Variants in FHIT observed in about 807,000 individuals in gnomAD.
FHIT encodes fragile histidine triad diadenosine triphosphatase.
A neutral mutation model predicts 17.9 loss-of-function variants in FHIT; 19 were observed. The observed-to-expected ratio is 1.06, with a 90% CI of 0.74 to 1.56. The LOEUF is 1.56. FHIT is among the 40% of genes most tolerant of loss of function. The pLI is 0.00. For synonymous variants in FHIT, 81 were observed against 69.7 expected (o/e 1.16, Z -0.81); for missense variants, 248 against 189.2 (o/e 1.31, Z -1.82).
At chr3:60,948,105 C>A (rs782131826) in intron 3 of FHIT, among the ~76,000 whole-genome samples, 3 of 152,130 alleles carry the variant, frequency 2.0e-5, no homozygotes, top group Non-Finnish European at 4.4e-5. Context: ...TTCTCTGCAT[C>A]CTTGAGGCAA....
At chr3:59,845,978 G>A (rs1366322601) in intron 8 of FHIT, among the ~76,000 whole-genome samples, 1 of 151,962 alleles carries the variant, frequency 6.6e-6, no homozygotes, top group Non-Finnish European at 1.5e-5. Context: ...TTGCATCACT[G>A]GTTCTAAAGT....
chr3:60,031,569 G>T (rs1376727784), intron 5 of FHIT, among the ~76,000 whole-genome samples: 5 of 152,038 alleles, frequency 3.3e-5, no homozygotes, highest in African/African-American at 1.2e-4. Flanking sequence ...CTGCAAAATG[G>T]GGCTTATTTA....
At chr3:59,864,587 GCT>G (rs1454037319) in intron 8 of FHIT, among the ~76,000 whole-genome samples, 4 of 151,446 alleles carry the variant, frequency 2.6e-5, no homozygotes, top group Non-Finnish European at 5.9e-5. Flanking sequence ...GCCCACTCTG[GCT>G]GATCTAGTAT....
intron 2 of FHIT, among the ~76,000 whole-genome samples, chr3:61,062,960 C>T (rs1000884068): frequency 3.3e-5 from 5 of 152,092 alleles, no homozygotes; most frequent in Non-Finnish European, 2.9e-5. Flanking sequence ...AACACAGACT[C>T]GTAGAGATGT....
chr3:60,464,946 G>C lies in FHIT; in HGVS notation c.103+71914C>G, dbSNP rs544472098. Among the ~76,000 whole-genome samples the C allele has an allele frequency of 3.9e-5, 6 of 152,204 alleles. No homozygotes were observed. In the South Asian group the frequency reaches 1.0e-3, roughly 26 times the overall value. On this transcript the variant is annotated intron_variant, in intron 5 of 9. Transcript: ENST00000492590. ...AGTAACCTCCAAACTGTCCTCCACA[G>C]TGGTTGTACTAATTTACATTCCCAC...
chr3:60,230,437 CAT>C (rs1184929666), intron 5 of FHIT, among the ~76,000 whole-genome samples: 1 of 152,128 alleles, frequency 6.6e-6, no homozygotes, highest in Non-Finnish European at 1.5e-5. Context: ...TTAAAAATAA[CAT>C]TATCTGATCA....
chr3:60,895,670 CTTTCTTTCTTTCTTT>C (rs1559808639), intron 3 of FHIT, among the ~76,000 whole-genome samples: 956 of 29,942 alleles, frequency 0.032, 27 homozygotes, highest in African/African-American at 0.055. Flanking sequence ...TCCTTCCTTT[CTTTCTTTCTTTCTTT>C]CTTTCTTTCT....
chr3:60,200,361 T>G (rs1702841459), intron 5 of FHIT, among the ~76,000 whole-genome samples: 1 of 152,150 alleles, frequency 6.6e-6, no homozygotes, highest in South Asian at 2.1e-4. Context: ...TCTACCATGT[T>G]GGATTTGCTC....
chr3:60,152,885 C>T (rs1305385681), intron 5 of FHIT, among the ~76,000 whole-genome samples: 4 of 152,104 alleles, frequency 2.6e-5, no homozygotes, highest in African/African-American at 9.7e-5. Context: ...CTCTAAGTTG[C>T]TTACGGTACA....
chr3:59,964,650 G>A (rs537321401), intron 7 of FHIT, among the ~76,000 whole-genome samples: 8 of 152,162 alleles, frequency 5.3e-5, no homozygotes, highest in African/African-American at 1.9e-4. Flanking sequence ...CTCAAATAGT[G>A]AACATTATGG....
chr3:60,054,544 T>C (rs1282057875), intron 5 of FHIT, among the ~76,000 whole-genome samples: 2 of 152,190 alleles, frequency 1.3e-5, no homozygotes, highest in South Asian at 2.1e-4. Context: ...AACTCTATCA[T>C]AATGATGGAG....
At chr3:60,012,799 G>A (rs191012423) in intron 6 of FHIT, among the ~76,000 whole-genome samples, 53 of 152,284 alleles carry the variant, frequency 3.5e-4, no homozygotes, top group African/African-American at 1.3e-3. Flanking sequence ...GCTAACACAA[G>A]TCAGCTCTTA....
intron 5 of FHIT, among the ~76,000 whole-genome samples, chr3:60,299,686 G>A (rs190390951): frequency 5.8e-4 from 88 of 152,158 alleles, no homozygotes; most frequent in African/African-American, 2.0e-3. Flanking sequence ...GGCTCCCCAT[G>A]TGGACTCGTT....
intron 8 of FHIT, among the ~76,000 whole-genome samples, chr3:59,808,836 C>G (rs541313408): frequency 3.2e-4 from 48 of 152,276 alleles, no homozygotes; most frequent in African/African-American, 1.2e-3. Flanking sequence ...GAAACAATGT[C>G]TTCTGATACT....
chr3:59,843,154 T>C (rs1701592612), intron 8 of FHIT, among the ~76,000 whole-genome samples: 1 of 152,152 alleles, frequency 6.6e-6, no homozygotes, highest in African/African-American at 2.4e-5. Context: ...CCTAGCGGCA[T>C]TTATTGGAAA....
chr3:60,142,534 T>A (rs1700082486), intron 5 of FHIT, among the ~76,000 whole-genome samples: 1 of 152,192 alleles, frequency 6.6e-6, no homozygotes, highest in African/African-American at 2.4e-5. Context: ...TTTCTCAGTC[T>A]GTTGTCCAGG....
intron 3 of FHIT, among the ~76,000 whole-genome samples, chr3:60,829,072 G>A (rs1165583596): frequency 2.6e-5 from 4 of 152,148 alleles, no homozygotes; most frequent in African/African-American, 9.7e-5. Flanking sequence ...GTTATCAAAA[G>A]TCATTGCAAA....
At chr3:59,947,263 T>C (rs1706856416) in intron 7 of FHIT, among the ~76,000 whole-genome samples, 1 of 152,230 alleles carries the variant, frequency 6.6e-6, no homozygotes, top group Non-Finnish European at 1.5e-5. Flanking sequence ...TCCAGAAATT[T>C]ATCCACTTCT....
chr3:60,296,816 A>G (rs1708232820), intron 5 of FHIT, among the ~76,000 whole-genome samples: 1 of 151,816 alleles, frequency 6.6e-6, no homozygotes, highest in Non-Finnish European at 1.5e-5. Flanking sequence ...GACATTTTGA[A>G]TGAATTTTGT....
Sources: allele counts gnomAD v4.1 joint callset (sites outside exome capture counted in the v4.1 genomes callset), GRCh38; gene constraint gnomAD v4.1.1; transcripts MANE v1.5; gene names NCBI Gene and HGNC (gene_info 2026-07-23, HGNC 2026-07-21).